XKRX: variants seen among roughly 807,000 people sequenced by gnomAD.
XKRX encodes the protein XK related X-linked, also known as XK-related protein 2.
A neutral mutation model predicts 22.4 loss-of-function variants in XKRX; 11 were observed. The observed-to-expected ratio is 0.49, with a 90% CI of 0.31 to 0.81. XKRX has a LOEUF of 0.81. Ranked by LOEUF, XKRX falls within the 40% of genes least tolerant of loss-of-function variation. The pLI is 0.05. For synonymous variants in XKRX, 114 were observed against 132.2 expected (o/e 0.86, Z 0.94); for missense variants, 320 against 336.5 (o/e 0.95, Z 0.38).
chrX:100,901,073 A>G, the XKRX span, among the ~76,000 whole-genome samples: 1 of 111,275 alleles, frequency 9.0e-6, no homozygotes, highest in Non-Finnish European at 1.9e-5. Flanking sequence ...TACAGGCGTG[A>G]GCCACCGCAC....
downstream of XKRX, among the ~76,000 whole-genome samples, chrX:100,913,025 C>T (rs2085412275): frequency 9.2e-6 from 1 of 109,144 alleles, no homozygotes; most frequent in South Asian, 4.1e-4. Flanking sequence ...TGGTGAAACC[C>T]CATCTCTACT....
At chrX:100,920,105 A>G (rs1038114063) in intron 2 of XKRX, among the ~76,000 whole-genome samples, 10 of 110,676 alleles carry the variant, frequency 9.0e-5, no homozygotes, top group African/African-American at 2.9e-4. Context: ...TGGGAACTTA[A>G]CTAAAGCTGT....
chrX:100,930,329 ATG>A (rs2085517342), upstream of XKRX, among the ~76,000 whole-genome samples: 1 of 108,900 alleles, frequency 9.2e-6, no homozygotes, highest in Non-Finnish European at 1.9e-5. Context: ...AATAATAATG[ATG>A]ATTATGTAGC....
the XKRX span, among the ~76,000 whole-genome samples, chrX:100,954,789 TAAGTGAA>T: frequency 8.9e-6 from 1 of 112,269 alleles, no homozygotes; most frequent in African/African-American, 3.2e-5. Flanking sequence ...AAAACACTGT[TAAGTGAA>T]AAGTGCCTGT....
At chrX:100,888,060 T>G in the XKRX span, 5 of 1,143,859 alleles carry the variant, frequency 4.4e-6, no homozygotes, top group Non-Finnish European at 5.9e-6. Flanking sequence ...TGACAGGGCT[T>G]TCCTAACTTC....
the XKRX span, among the ~76,000 whole-genome samples, chrX:100,897,124 T>A: frequency 9.0e-6 from 1 of 111,046 alleles, no homozygotes; most frequent in African/African-American, 3.3e-5. Flanking sequence ...TATTGGTTTG[T>A]TTAGAATTAA....
the XKRX span, among the ~76,000 whole-genome samples, chrX:100,935,365 C>T: frequency 6.3e-5 from 7 of 110,477 alleles, no homozygotes; most frequent in Non-Finnish European, 1.3e-4. Context: ...TGGGAGCCAG[C>T]GACCCAAAGC....
At chrX:100,917,722 G>GAAAGA (rs772047288) in intron 2 of XKRX, among the ~76,000 whole-genome samples, 1 of 74,991 alleles carries the variant, frequency 1.3e-5, no homozygotes, top group African/African-American at 3.8e-5. Flanking sequence ...AAGAAAGAAA[G>GAAAGA]AAATCCTTGG....
downstream of XKRX, among the ~76,000 whole-genome samples, chrX:100,912,740 T>G (rs1428604083): frequency 8.9e-6 from 1 of 111,870 alleles, no homozygotes; most frequent in Admixed American, 9.5e-5. Context: ...CATAGTAACT[T>G]CAATCCCTTG....
At chrX:100,923,626 T>C (rs1040216421) in intron 1 of XKRX, among the ~76,000 whole-genome samples, 1 of 111,296 alleles carries the variant, frequency 9.0e-6, no homozygotes, top group Non-Finnish European at 1.9e-5. Flanking sequence ...ACTCGAGGAA[T>C]TGTTTTGTCT....
At chrX:100,925,530 A>G (rs189311644) in intron 1 of XKRX, among the ~76,000 whole-genome samples, 1 of 112,159 alleles carries the variant, frequency 8.9e-6, no homozygotes, top group African/African-American at 3.2e-5. Context: ...GAAAAACAGT[A>G]CTCAACACTC....
intron 2 of XKRX, among the ~76,000 whole-genome samples, chrX:100,917,722 G>GAAAGAAAGAAATAAATAAAT (rs772047288): frequency 1.5e-4 from 11 of 75,029 alleles, no homozygotes; most frequent in East Asian, 9.8e-4. Flanking sequence ...AAGAAAGAAA[G>GAAAGAAAGAAATAAATAAAT]AAATCCTTGG....
chrX:100,914,380 T>C lies in XKRX; in HGVS notation c.1308A>G (p.Ser436=), dbSNP rs1569453910. ...TTGCTTCAGTCTCAAAGGGTGGCTC[T>C]GAGTTCTCAACCCTGGTCCGAGGGT... ...HQHPRTRVEN[S]EPPFETEARQ... The change falls in exon 3 of 3, where the codon TCA becomes TCG. Residue 436 remains serine (S), a synonymous_variant. Coordinates refer to ENST00000372956, the MANE Select transcript of XKRX (RefSeq NM_212559.3). 8.3e-7 allele frequency: 1 copy of C among 1,210,136 alleles called. No individual in the cohort carries two copies. The highest frequency in any genetic ancestry group is 1.1e-6 in the Non-Finnish European group (1 of 895,230).
the XKRX span, among the ~76,000 whole-genome samples, chrX:100,943,370 A>G: frequency 3.6e-5 from 4 of 111,175 alleles, no homozygotes; most frequent in Non-Finnish European, 7.5e-5. Context: ...CCTCAACAGT[A>G]TGTTTCTGTG....
chrX:100,906,360 C>T, the XKRX span, among the ~76,000 whole-genome samples: 1 of 111,972 alleles, frequency 8.9e-6, no homozygotes, highest in African/African-American at 3.2e-5. Flanking sequence ...ATGTAGTATC[C>T]TACAGAGTAA....
At position 100,924,254 on chromosome X, in the gene XKRX, A is replaced by G. The variant is rs754578301; in HGVS notation, c.336-1193T>C. ...TATCTCATATACACAGGAAGCCATC[A>G]AAGCAACAAAAGTACTTAAAAGACG... On this transcript the variant is annotated intron_variant, in intron 1 of 2. Coordinates refer to ENST00000372956, the MANE Select transcript of XKRX (RefSeq NM_212559.3). 1.1e-4 allele frequency among the ~76,000 whole-genome samples: 12 copies of G among 111,116 alleles called. 1 individual carries two copies. The highest frequency in any genetic ancestry group is 3.9e-4 in the African/African-American group (12 of 30,579).
At chrX:100,893,542 G>A in the XKRX span, among the ~76,000 whole-genome samples, 1 of 112,162 alleles carries the variant, frequency 8.9e-6, no homozygotes, top group African/African-American at 3.2e-5. Context: ...ATGTGCAATA[G>A]CAAAGACATG....
the XKRX span, among the ~76,000 whole-genome samples, chrX:100,892,420 G>A: frequency 1.1e-4 from 12 of 111,101 alleles, no homozygotes; most frequent in Admixed American, 7.7e-4. Flanking sequence ...CATCCCATGT[G>A]CCCCACAAAT....
chrX:100,927,561 C>A (rs1354165484), intron 1 of XKRX, among the ~76,000 whole-genome samples: 4 of 111,113 alleles, frequency 3.6e-5, no homozygotes, highest in Non-Finnish European at 1.9e-5. Flanking sequence ...TTCGCTTGAT[C>A]CCAGGAGATC....
Sources: gnomAD v4.1 joint callset for allele counts (sites outside exome capture counted in the v4.1 genomes callset) on GRCh38, gnomAD v4.1.1 for gene constraint, MANE v1.5 for transcripts, NCBI Gene and HGNC (gene_info 2026-07-23, HGNC 2026-07-21) for gene names.